ARHGAP26: variants seen among roughly 807,000 people sequenced by gnomAD.
ARHGAP26 encodes the protein rho GTPase-activating protein 26.
ARHGAP26 carries 38 observed loss-of-function variants against 104.8 expected under a neutral mutation model. The ratio of observed to expected loss-of-function variants is 0.36; its 90% confidence interval spans 0.28 to 0.48. The LOEUF (loss-of-function observed/expected upper bound fraction) is 0.48. Ranked by LOEUF, ARHGAP26 falls within the 20% of genes least tolerant of loss-of-function variation. The pLI, the probability that ARHGAP26 is intolerant of heterozygous loss-of-function variation, is 0.99. For missense variants in ARHGAP26, 704 were observed against 947.9 expected, an observed-to-expected ratio of 0.74 and a Z score of 3.38; for synonymous variants, 341 against 340.0, an observed-to-expected ratio of 1.00 and a Z score of -0.03.
At chr5:143,112,838 A>G (rs1794932917) in intron 17 of ARHGAP26, among the ~76,000 whole-genome samples, 1 of 152,208 alleles carries the variant, frequency 6.6e-6, no homozygotes, top group South Asian at 2.1e-4. Flanking sequence ...TACGTAACAC[A>G]TTTTGCTTAT....
chr5:142,987,639 A>G (rs1774964931), intron 11 of ARHGAP26, among the ~76,000 whole-genome samples: 1 of 152,194 alleles, frequency 6.6e-6, no homozygotes, highest in Admixed American at 6.5e-5. Flanking sequence ...GGTTTGTCAT[A>G]AATAGCTCTT....
At chr5:143,044,622 C>T (rs1354012400) in intron 14 of ARHGAP26, among the ~76,000 whole-genome samples, 1 of 152,134 alleles carries the variant, frequency 6.6e-6, no homozygotes, top group Admixed American at 6.5e-5. Flanking sequence ...GTCCCTGAAA[C>T]CCAGTGGACT....
At chr5:142,952,740 C>T (rs760645382) in intron 11 of ARHGAP26, among the ~76,000 whole-genome samples, 32 of 152,096 alleles carry the variant, frequency 2.1e-4, no homozygotes, top group African/African-American at 6.0e-4. Context: ...GACAGAGTCT[C>T]GCTCTATCAC....
At chr5:143,214,581 C>T (rs1299360607) in intron 22 of ARHGAP26, among the ~76,000 whole-genome samples, 1 of 152,228 alleles carries the variant, frequency 6.6e-6, no homozygotes, top group East Asian at 1.9e-4. Flanking sequence ...GCACCTGATT[C>T]CGTGGGTCCT....
chr5:143,085,014 C>G (rs59962768), intron 17 of ARHGAP26, among the ~76,000 whole-genome samples: 17,094 of 142,656 alleles, frequency 0.12, 1,916 homozygotes, highest in East Asian at 0.35. Flanking sequence ...CACTGCACTC[C>G]AGCCTGGGCA....
At chr5:142,869,615 G>A (rs1444528776) in intron 1 of ARHGAP26, among the ~76,000 whole-genome samples, 1 of 152,054 alleles carries the variant, frequency 6.6e-6, no homozygotes, top group African/African-American at 2.4e-5. Context: ...CAGTAGTAAG[G>A]TTACCTGAGT....
intron 18 of ARHGAP26, among the ~76,000 whole-genome samples, chr5:143,126,713 C>T (rs1796766832): frequency 1.3e-5 from 2 of 152,138 alleles, no homozygotes; most frequent in African/African-American, 2.4e-5. Flanking sequence ...CGTGGACTCT[C>T]CTTGAATTAT....
intron 5 of ARHGAP26, among the ~76,000 whole-genome samples, chr5:142,888,926 A>G (rs1562020572): frequency 6.6e-6 from 1 of 152,210 alleles, no homozygotes; most frequent in Non-Finnish European, 1.5e-5. Context: ...CGGTAGATTT[A>G]TAGCTTCTCA....
In ARHGAP26 at chr5:142,772,441, A is replaced by G. The variant is rs149236592; in HGVS notation, c.154+1526A>G. 3.3e-4 allele frequency among the ~76,000 whole-genome samples: 51 copies of G among 152,330 alleles called. No individual in the cohort carries two copies. In the East Asian group the frequency reaches 3.7e-3, roughly 11 times the overall value. ...GGCCCAGGAATTTTGATTGAACCTCAGGCTGGCTTTAGTGAGTTCTCTGCT... is the reference window on the plus strand; with the variant it reads ...GGCCCAGGAATTTTGATTGAACCTCGGGCTGGCTTTAGTGAGTTCTCTGCT... On this transcript the variant is annotated intron_variant, in intron 1 of 22. Coordinates refer to ENST00000645722, the MANE Select transcript of ARHGAP26 (RefSeq NM_001135608.3).
At chr5:142,949,164 C>CGAGAGAGAGAGAGAGAGA (rs1767641310) in intron 11 of ARHGAP26, among the ~76,000 whole-genome samples, 1 of 40,602 alleles carries the variant, frequency 2.5e-5, no homozygotes, top group East Asian at 1.4e-3. Context: ...AGTTGAATTT[C>CGAGAGAGAGAGAGAGAGA]CAGAGAGAGA....
At chr5:142,923,098 T>TTTC (rs57638651) in intron 10 of ARHGAP26, among the ~76,000 whole-genome samples, 5 of 151,914 alleles carry the variant, frequency 3.3e-5, no homozygotes, top group Non-Finnish European at 5.9e-5. Context: ...TTTTTTTTTT[T>TTTC]CTTTTAATTA....
chr5:142,855,813 T>C (rs17099620), intron 1 of ARHGAP26, among the ~76,000 whole-genome samples: 16,653 of 152,218 alleles, frequency 0.11, 1,182 homozygotes, highest in East Asian at 0.26. Context: ...ACTTATATAC[T>C]CTCACTTGTA....
chr5:143,033,734 A>T (rs1048738402), intron 12 of ARHGAP26, among the ~76,000 whole-genome samples: 2 of 152,182 alleles, frequency 1.3e-5, no homozygotes, highest in Admixed American at 6.5e-5. Flanking sequence ...TTCAGAATCA[A>T]TGTCTGCAGC....
intron 14 of ARHGAP26, among the ~76,000 whole-genome samples, chr5:143,054,151 C>T (rs932312744): frequency 5.3e-5 from 8 of 152,264 alleles, no homozygotes; most frequent in African/African-American, 1.7e-4. Flanking sequence ...AGGGTATAAA[C>T]GTTTTTAAGA....
At chr5:143,182,647 T>A (rs1168722813) in intron 20 of ARHGAP26, among the ~76,000 whole-genome samples, 2 of 152,238 alleles carry the variant, frequency 1.3e-5, no homozygotes, top group African/African-American at 2.4e-5. Context: ...TCTAGCTAAT[T>A]GGCCTAGGAG....
chr5:142,967,953 AAAG>A (rs1470777674), intron 11 of ARHGAP26, among the ~76,000 whole-genome samples: 1 of 152,170 alleles, frequency 6.6e-6, no homozygotes, highest in African/African-American at 2.4e-5. Flanking sequence ...GGCATTGTTC[AAAG>A]AAGGGCCAGA....
chr5:142,938,189 A>C (rs80071036), intron 11 of ARHGAP26, among the ~76,000 whole-genome samples: 2 of 152,058 alleles, frequency 1.3e-5, no homozygotes, highest in Non-Finnish European at 2.9e-5. Context: ...TGGGGGGGGA[A>C]GTAGGGCAAA....
intron 12 of ARHGAP26, among the ~76,000 whole-genome samples, chr5:143,032,878 G>C (rs1251055570): frequency 6.6e-6 from 1 of 152,230 alleles, no homozygotes; most frequent in Non-Finnish European, 1.5e-5. Flanking sequence ...GACAAAGAGA[G>C]ATGGGGGTCC....
At chr5:142,819,408 C>T (rs1597765793) in intron 1 of ARHGAP26, among the ~76,000 whole-genome samples, 1 of 152,294 alleles carries the variant, frequency 6.6e-6, no homozygotes, top group South Asian at 2.1e-4. Flanking sequence ...CAGTCACACC[C>T]ACAGGTGACA....
Sources: allele counts gnomAD v4.1 joint callset (sites outside exome capture counted in the v4.1 genomes callset), GRCh38; gene constraint gnomAD v4.1.1; transcripts MANE v1.5; gene names NCBI Gene and HGNC (gene_info 2026-07-23, HGNC 2026-07-21).